Variants in TMEM255A observed in about 807,000 individuals in gnomAD.
TMEM255A encodes the protein family with sequence similarity 70, member A.
Under a neutral mutation model 23.5 loss-of-function variants are expected in TMEM255A, and 14 were observed. The ratio of observed to expected loss-of-function variants is 0.60; its 90% CI spans 0.39 to 0.93. The LOEUF is 0.93. Ranked by LOEUF, TMEM255A falls within the 40% of genes least tolerant of loss-of-function variation. The pLI, the probability that TMEM255A is intolerant of heterozygous loss-of-function variation, is 0.00. For missense variants in TMEM255A, 233 were observed against 261.7 expected, an observed-to-expected ratio of 0.89 and a Z score of 0.76; for synonymous variants, 104 against 100.3, an observed-to-expected ratio of 1.04 and a Z score of -0.22.
At position 120,311,300 on chromosome X, in the gene TMEM255A, A is replaced by G; in HGVS notation, c.10T>C (p.Ser4Pro). MHQ[S>P]LTQQRSSDMS... Reference sequence around the variant, plus strand: ...TCGCTGGACCGCTGCTGAGTCAGGGACTGATGCATGGTGAAAACTGCCCGG... The same window carrying G: ...TCGCTGGACCGCTGCTGAGTCAGGGGCTGATGCATGGTGAAAACTGCCCGG... The change falls in exon 1 of 9, where the codon TCC (serine) becomes CCC (proline). Residue 4 changes from serine to proline, a missense_variant. By Grantham distance (74) the Ser-to-Pro change is moderately conservative. Coordinates refer to ENST00000371369, the MANE Select transcript of TMEM255A (RefSeq NM_001104544.3). 1.7e-6 allele frequency: 2 copies of G among 1,180,916 alleles called. No homozygotes were observed. The highest frequency in any genetic ancestry group is 3.7e-5 in the South Asian group (2 of 53,371).
downstream of TMEM255A, chrX:120,258,177 A>G (rs1402136843): frequency 4.1e-5 from 5 of 123,347 alleles, no homozygotes; most frequent in African/African-American, 1.6e-4. Context: ...GGTATTTTGT[A>G]TTGTCAAGGC....
intron 3 of TMEM255A, among the ~76,000 whole-genome samples, chrX:120,292,709 G>A (rs1416139616): frequency 9.2e-6 from 1 of 108,113 alleles, no homozygotes; most frequent in African/African-American, 3.4e-5. Flanking sequence ...GCAGTGAGCC[G>A]AGATGGTGCC....
chrX:120,258,787 T>G lies in TMEM255A; in HGVS notation c.*2083A>C, dbSNP rs1209038427. 2.7e-5 allele frequency: 3 copies of G among 112,756 alleles called. No individual in the cohort carries two copies. Among genetic ancestry groups the G allele is most frequent in the African/African-American group, 9.7e-5 (3 of 30,959 alleles). The allele number at this position is 112,756 out of a possible 1,213,427, so 9.3% of individuals were successfully genotyped here. The stretch of plus-strand genomic sequence containing the variant: ...TAATATTTTAATGTTTCATGCCCAG[T>G]TCAGTACTTTAAAGCAGAATTAGGA... On this transcript the variant is annotated 3_prime_UTR_variant, in exon 9 of 9. Coordinates refer to ENST00000371369, the MANE Select transcript of TMEM255A (RefSeq NM_001104544.3).
chrX:120,311,445 C>G lies in TMEM255A; in HGVS notation c.-136G>C. ...AGCTGAGAGACACTGCCTCTGGTTG[C>G]GAGCTGCAGCCCAAGTGCCGCCTCC... is the stretch of plus-strand genomic sequence containing the variant. On this transcript the variant is annotated 5_prime_UTR_variant, in exon 1 of 9. Transcript: ENST00000371369. 3 of 519,859 alleles carry G rather than the reference C, an allele frequency of 5.8e-6. No individual in the cohort carries two copies. Among genetic ancestry groups the G allele is most frequent in the East Asian group, 3.7e-5 (1 of 27,139 alleles). The allele number at this position is 519,859 out of a possible 1,213,427, so 42.8% of individuals were successfully genotyped here.
intron 2 of TMEM255A, among the ~76,000 whole-genome samples, chrX:120,298,826 A>G (rs782406820): frequency 1.3e-4 from 14 of 109,671 alleles, no homozygotes; most frequent in African/African-American, 4.0e-4. Context: ...GGACCTCAGT[A>G]TTTGAGACAT....
At chrX:120,276,657 A>G (rs1393565578) in intron 7 of TMEM255A, among the ~76,000 whole-genome samples, 1 of 111,436 alleles carries the variant, frequency 9.0e-6, no homozygotes, top group Non-Finnish European at 1.9e-5. Flanking sequence ...CCACCCCTAG[A>G]AGGTGCCTCC....
intron 1 of TMEM255A, 128 bp from the exon 2 acceptor site, chrX:120,304,619 C>T (rs1367504548): frequency 5.9e-5 from 37 of 623,827 alleles, no homozygotes; most frequent in East Asian, 1.1e-4. Flanking sequence ...TTGGTGGTGA[C>T]GGGTGGGGGG....
At chrX:120,297,554 A>T (rs1327982906) in intron 2 of TMEM255A, among the ~76,000 whole-genome samples, 1 of 110,950 alleles carries the variant, frequency 9.0e-6, no homozygotes, top group East Asian at 2.8e-4. Flanking sequence ...ATTTTAAGTT[A>T]AAGAAGCACT....
chrX:120,260,578 T>C lies in TMEM255A; in HGVS notation c.*292A>G, dbSNP rs782153533. 1.3e-5 allele frequency: 3 copies of C among 236,466 alleles called. No individual in the cohort carries two copies. Among genetic ancestry groups the C allele is most frequent in the African/African-American group, 8.6e-5 (3 of 34,759 alleles). 19.5% of individuals were successfully genotyped at this position (236,466 alleles called of 1,213,427 possible). ...AAAAAGATGGCAACCACACTTCTGC[T>C]GAATACAGAGGTGGAGCATAGGGTA... On this transcript the variant is annotated 3_prime_UTR_variant, in exon 9 of 9. Transcript: ENST00000371369.
downstream of TMEM255A, chrX:120,255,926 C>T (rs573793410): frequency 8.0e-6 from 1 of 124,592 alleles, no homozygotes; most frequent in African/African-American, 3.2e-5. Context: ...TAAGTCAGTA[C>T]TTGGGTTGTG....
intron 8 of TMEM255A, among the ~76,000 whole-genome samples, chrX:120,261,409 T>C (rs1045260744): frequency 1.2e-4 from 14 of 112,645 alleles, no homozygotes; most frequent in African/African-American, 4.5e-4. Flanking sequence ...AAGGTAATTT[T>C]TGGCTTTGAG....
intron 7 of TMEM255A, among the ~76,000 whole-genome samples, chrX:120,274,538 C>G (rs1556019400): frequency 9.0e-6 from 1 of 111,388 alleles, no homozygotes; most frequent in Admixed American, 9.5e-5. Context: ...TTTCCAACTT[C>G]CAGAAATTTC....
At chrX:120,298,537 A>C (rs1603403732) in intron 2 of TMEM255A, among the ~76,000 whole-genome samples, 1 of 112,015 alleles carries the variant, frequency 8.9e-6, no homozygotes, top group East Asian at 2.8e-4. Context: ...GTTTTATTAT[A>C]GAAACATGAG....
At chrX:120,296,618 GAATATAATATATATATATTATATTAT>G (rs1432732410) in intron 2 of TMEM255A, among the ~76,000 whole-genome samples, 1 of 65,891 alleles carries the variant, frequency 1.5e-5, no homozygotes, top group Non-Finnish European at 2.6e-5. Flanking sequence ...ACGCAGCCAG[GAATATAATATATATATATTATATTAT>G]AATATAATAT....
chrX:120,307,547 T>G (rs909885535), intron 1 of TMEM255A, among the ~76,000 whole-genome samples: 13 of 112,572 alleles, frequency 1.2e-4, no homozygotes, highest in African/African-American at 4.2e-4. Flanking sequence ...CAATCGGTAC[T>G]TGTTGAATAA....
At chrX:120,309,258 A>G (rs781832621) in intron 1 of TMEM255A, among the ~76,000 whole-genome samples, 14 of 113,093 alleles carry the variant, frequency 1.2e-4, no homozygotes, top group Non-Finnish European at 2.4e-4. Flanking sequence ...CTCCGCTTCT[A>G]TCTGGGATTT....
chrX:120,292,757 C>A (rs1476267345), intron 3 of TMEM255A, among the ~76,000 whole-genome samples: 1 of 105,419 alleles, frequency 9.5e-6, no homozygotes, highest in Non-Finnish European at 1.9e-5. Flanking sequence ...AAGACTCCAT[C>A]TCGAAAAAAA....
intron 6 of TMEM255A, among the ~76,000 whole-genome samples, chrX:120,277,703 A>G (rs1209019258): frequency 1.8e-5 from 2 of 112,381 alleles, no homozygotes; most frequent in Non-Finnish European, 3.8e-5. Flanking sequence ...TCAGGCTTCA[A>G]AGACTTCAGT....
Position 120,291,349 on chromosome X carries a change from G to C in TMEM255A, c.265-9C>G, listed in dbSNP as rs782032350. The C allele has an allele frequency of 9.2e-6, 11 of 1,194,956 alleles. No homozygotes were observed. The highest frequency in any genetic ancestry group is 1.1e-5 in the Non-Finnish European group (10 of 885,070). ...ACGATAGAAGCCACCAGCTGTAGGG[G>C]GGAATAAAACAAAAGCGTCTGTTAG... On this transcript the variant is annotated splice_polypyrimidine_tract_variant and intron_variant, in intron 3 of 8. Transcript: ENST00000371369.
Sources: gnomAD v4.1 joint callset for allele counts (sites outside exome capture counted in the v4.1 genomes callset) on GRCh38, gnomAD v4.1.1 for gene constraint, MANE v1.5 for transcripts, NCBI Gene and HGNC (gene_info 2026-07-23, HGNC 2026-07-21) for gene names.